SAMD9: variants seen among roughly 807,000 people sequenced by gnomAD.
SAMD9 encodes the protein sterile alpha motif domain-containing protein 9.
Under a neutral mutation model 1.5 loss-of-function variants are expected in SAMD9, and 3 were observed. The ratio of observed to expected loss-of-function variants is 2.05; its 90% CI spans 0.93 to 5.29. The LOEUF (loss-of-function observed/expected upper bound fraction) is 5.29. SAMD9 is among the 30% of genes most tolerant of loss of function. The pLI is 0.02. For synonymous variants in SAMD9, 635 were observed against 631.9 expected, an observed-to-expected ratio of 1.00 and a Z score of -0.07; for missense variants, 1,597 against 1,820.8, an observed-to-expected ratio of 0.88 and a Z score of 2.24.
chr7:93,112,397 A>G, intron 2 of SAMD9, among the ~76,000 whole-genome samples: 1 of 152,234 alleles, frequency 6.6e-6, no homozygotes, highest in Non-Finnish European at 1.5e-5. Context: ...AACTGGCACA[A>G]GACAGGGATG....
rs757064826 is a variant in SAMD9, at chr7:93,105,349, A to T, written c.749T>A (p.Ile250Asn). The T allele has an allele frequency of 5.0e-6, 8 of 1,613,864 alleles. No individual in the cohort carries two copies. In the South Asian group the frequency reaches 8.8e-5, roughly 18 times the overall value. ...TTCCTTGGTATCATTGGTGACTTTGATGCCAACAATTTTCCCATGGGGTTT... is the reference window on the plus strand; with the variant it reads ...TTCCTTGGTATCATTGGTGACTTTGTTGCCAACAATTTTCCCATGGGGTTT... ...KDKPHGKIVG[I>N]KVTNDTKEAL... Residue 250 changes from isoleucine (I) to asparagine (N), a missense_variant, in exon 3 of 3, where the codon ATC becomes AAC. Transcript: ENST00000379958.
rs147146654 is a variant in SAMD9 at position 93,105,412 on chromosome 7, G to T, written c.686C>A (p.Ser229Ter). Reference sequence around the variant, plus strand: ...AAAATGAATAGTGCCATTGGTACGTGAATTCATACAAGCTGAAGCAAATCG... The same window carrying T: ...AAAATGAATAGTGCCATTGGTACGTTAATTCATACAAGCTGAAGCAAATCG... ...VFRFASACMN[S>*]RTNGTIHFGV... Residue 229 changes from serine (S) to a stop codon, truncating the protein, a stop_gained, in exon 3 of 3, where the codon TCA becomes TAA. Coordinates refer to ENST00000379958, the MANE Select transcript of SAMD9 (RefSeq NM_017654.4). LOFTEE classifies it low-confidence loss of function (END_TRUNC). 12 of 1,613,892 alleles carry T rather than the reference G, an allele frequency of 7.4e-6. No homozygotes were observed. The highest frequency in any genetic ancestry group is 1.3e-5 in the African/African-American group (1 of 74,908).
At position 93,103,522 on chromosome 7, in the gene SAMD9, G is replaced by A. The variant is rs1395482864; in HGVS notation, c.2576C>T (p.Pro859Leu). 3 of 1,613,490 alleles carry A rather than the reference G, an allele frequency of 1.9e-6. No individual in the cohort carries two copies. Among genetic ancestry groups the A allele is most frequent in the Non-Finnish European group, 2.5e-6 (3 of 1,179,710 alleles). ...DSIAVIQQLS[P>L]KEQRAFELKL... ...AAGCTCAAAAGCTCTCTGTTCTTTG[G>A]GAGAGAGTTGCTGTATTACGGCAAT... is the stretch of plus-strand genomic sequence containing the variant. The change falls in exon 3 of 3, where the codon CCC becomes CTC. Residue 859 changes from proline (P) to leucine (L), a missense_variant. Pro to Leu is a moderately conservative substitution (Grantham distance 98). Coordinates refer to ENST00000379958, the MANE Select transcript of SAMD9 (RefSeq NM_017654.4).
Position 93,104,752 on chromosome 7 carries a change from T to C in SAMD9, c.1346A>G (p.Asn449Ser), listed in dbSNP as rs10239435. The C allele has an allele frequency of 0.01, 16,918 of 1,613,848 alleles. 1,415 individuals are homozygous for C. The African/African-American group carries it at 0.19, about 18-fold the overall frequency. ...VLEFDPESNI[N>S]GVVKAYKESR... The stretch of plus-strand genomic sequence containing the variant: ...TTCTTTGTAAGCTTTGACCACTCCA[T>C]TGATGTTAGACTCAGGATCAAACTC... Residue 449 changes from asparagine to serine, a missense_variant, in exon 3 of 3, where the codon AAT becomes AGT. Asn to Ser is a conservative substitution (Grantham distance 46, BLOSUM62 1). Transcript: ENST00000379958.
At chr7:93,114,441 A>G (rs1001904220) in intron 2 of SAMD9, among the ~76,000 whole-genome samples, 1 of 151,028 alleles carries the variant, frequency 6.6e-6, no homozygotes, top group Non-Finnish European at 1.5e-5. Flanking sequence ...TAGAACTTAA[A>G]GTATAGTTTT....
intron 2 of SAMD9, among the ~76,000 whole-genome samples, chr7:93,114,058 A>G (rs1193089728): frequency 2.0e-5 from 3 of 152,294 alleles, no homozygotes; most frequent in South Asian, 4.1e-4. Context: ...CCAAATGTCC[A>G]TCATTGATAG....
At chr7:93,111,071 G>C in intron 2 of SAMD9, among the ~76,000 whole-genome samples, 1 of 152,104 alleles carries the variant, frequency 6.6e-6, no homozygotes. Context: ...GCACTCCTCA[G>C]CAAATGTAAA....
chr7:93,106,614 C>T (rs1409511420), intron 2 of SAMD9, among the ~76,000 whole-genome samples: 1 of 152,096 alleles, frequency 6.6e-6, no homozygotes, highest in Non-Finnish European at 1.5e-5. Context: ...ATATAAGAAC[C>T]AAATAGTAAA....
intron 1 of SAMD9, among the ~76,000 whole-genome samples, chr7:93,117,403 A>G (rs1001412969): frequency 4.6e-5 from 7 of 151,774 alleles, no homozygotes; most frequent in African/African-American, 1.5e-4. Flanking sequence ...CTCAGCCTCC[A>G]AAGTAGCTAG....
chr7:93,105,596 C>T lies in SAMD9; in HGVS notation c.502G>A (p.Glu168Lys). Reference sequence around the variant, plus strand: ...TTGTAACGATATGGATTACTGAATTCATCAAATGGATATGATACACATGTC... The same window carrying T: ...TTGTAACGATATGGATTACTGAATTTATCAAATGGATATGATACACATGTC... Reference protein sequence around the residue: ...DLTCVSYPFDEFSNPYRYKLD... With the variant: ...DLTCVSYPFDKFSNPYRYKLD... The change falls in exon 3 of 3, where the codon GAA becomes AAA. Residue 168 changes from glutamate to lysine, a missense_variant. This residue lies in a region of SAMD9 where 498 missense variants were observed against 457.4 expected (regional missense o/e 1.09). Coordinates refer to ENST00000379958, the MANE Select transcript of SAMD9 (RefSeq NM_017654.4). The T allele has an allele frequency of 6.2e-7, 1 of 1,614,080 alleles. No individual in the cohort carries two copies. The highest frequency in any genetic ancestry group is 8.5e-7 in the Non-Finnish European group (1 of 1,180,004).
In SAMD9 at chr7:93,105,047, C is replaced by T. The variant is rs1007550761; in HGVS notation, c.1051G>A (p.Asp351Asn). The stretch of plus-strand genomic sequence containing the variant: ...AAATCAACTTTATTTTTCGTAATGT[C>T]CTTAGAGCTGGTCCCATCTCGCACA... ...LFVRDGTSSK[D>N]ITKNKVDFRA... is the part of the protein sequence containing the mutation. Residue 351 changes from aspartate to asparagine, a missense_variant, in exon 3 of 3, where the codon GAC (aspartate) becomes AAC (asparagine). Physicochemically the swap from Asp to Asn is conservative, Grantham distance 23. Coordinates refer to ENST00000379958, the MANE Select transcript of SAMD9 (RefSeq NM_017654.4). 30 of 1,613,850 alleles carry T rather than the reference C, an allele frequency of 1.9e-5. No homozygotes were observed. The highest frequency in any genetic ancestry group is 2.4e-5 in the Non-Finnish European group (28 of 1,179,934).
chr7:93,111,764 G>A (rs1791748682), intron 2 of SAMD9, among the ~76,000 whole-genome samples: 1 of 152,148 alleles, frequency 6.6e-6, no homozygotes, highest in African/African-American at 2.4e-5. Flanking sequence ...TCAGGAAGAA[G>A]TTGAATCCCT....
rs768168544 is a variant in SAMD9, at chr7:93,102,276, G to T, written c.3822C>A (p.Tyr1274Ter). 6.2e-7 allele frequency: 1 copy of T among 1,612,488 alleles called. No homozygotes were observed. ...LKKSFDFFDEYFVLLKPRNNI... is the reference protein window; with the variant it reads ...LKKSFDFFDE ...TGTTCCTGGGTTTTAGCAGGACAAA[G>T]TATTCATCAAAAAAATCAAAGGACT... is the stretch of plus-strand genomic sequence containing the variant. The change falls in exon 3 of 3, where the codon TAC becomes TAA. Residue 1274 changes from tyrosine to a stop codon, truncating the protein, a stop_gained. Transcript: ENST00000379958. LOFTEE classifies it low-confidence loss of function (END_TRUNC).
intron 2 of SAMD9, among the ~76,000 whole-genome samples, chr7:93,107,603 A>G (rs779234038): frequency 1.2e-4 from 19 of 152,312 alleles, no homozygotes; most frequent in African/African-American, 4.6e-4. Flanking sequence ...AGCCTGGGGA[A>G]TGGTGGCAGA....
rs995601995 is a variant in SAMD9 at position 93,117,956 on chromosome 7, C to T, written c.-203G>A. The T allele has an allele frequency of 1.3e-5, 2 of 152,170 alleles. No individual in the cohort carries two copies. The highest frequency in any genetic ancestry group is 2.9e-5 in the Non-Finnish European group (2 of 68,026). The allele number at this position is 152,170 out of a possible 1,614,324, so 9.4% of individuals were successfully genotyped here. A position where few individuals can be genotyped will look rare whatever the true frequency, so the allele number is the denominator to read the frequency against. ...TGATGTGTTTGTTTTCTTCCTCCTACGATGCTAGAGAAAAGTATTTTCCTC... is the reference window on the plus strand; with the variant it reads ...TGATGTGTTTGTTTTCTTCCTCCTATGATGCTAGAGAAAAGTATTTTCCTC... On this transcript the variant is annotated 5_prime_UTR_variant, in exon 1 of 3. Transcript: ENST00000379958.
Position 93,100,272 on chromosome 7 carries a change from C to T in SAMD9, c.*1056G>A, listed in dbSNP as rs572187222. 6.6e-6 allele frequency: 1 copy of T among 152,188 alleles called. No individual in the cohort carries two copies. Among genetic ancestry groups the T allele is most frequent in the Middle Eastern group, 3.4e-3 (1 of 294 alleles). The allele number at this position is 152,188 out of a possible 1,614,324, so 9.4% of individuals were successfully genotyped here. A position where few individuals can be genotyped will look rare whatever the true frequency, so the allele number is the denominator to read the frequency against. Reference sequence around the variant, plus strand: ...TGCAAATAAGATCCAGAGACCTGATCAAATTCAGGTTTAATTATTTGGCAA... The same window carrying T: ...TGCAAATAAGATCCAGAGACCTGATTAAATTCAGGTTTAATTATTTGGCAA... On this transcript the variant is annotated 3_prime_UTR_variant, in exon 3 of 3. Coordinates refer to ENST00000379958, the MANE Select transcript of SAMD9 (RefSeq NM_017654.4).
At chr7:93,107,939 C>T (rs2116426966) in intron 2 of SAMD9, among the ~76,000 whole-genome samples, 1 of 152,190 alleles carries the variant, frequency 6.6e-6, no homozygotes, top group African/African-American at 2.4e-5. Context: ...TTATTTCTTA[C>T]AACTACATAT....
intron 2 of SAMD9, among the ~76,000 whole-genome samples, chr7:93,110,178 C>A (rs1791716210): frequency 6.6e-6 from 1 of 152,152 alleles, no homozygotes; most frequent in South Asian, 2.1e-4. Context: ...AAAGAATTTT[C>A]AACCCAGAAT....
chr7:93,115,587 C>T lies in SAMD9; in HGVS notation c.-109-692G>A, dbSNP rs111615369. On this transcript the variant is annotated intron_variant, in intron 1 of 2. Coordinates refer to ENST00000379958, the MANE Select transcript of SAMD9 (RefSeq NM_017654.4). ...ATATTTTATATCTTGATATGGCTAG[C>T]GGTTGCACAGATAAGTACATATTAA... is the stretch of plus-strand genomic sequence containing the variant. Among the ~76,000 whole-genome samples, 517 of 152,138 alleles carry T rather than the reference C, an allele frequency of 3.4e-3. 2 individuals carry two copies. The Middle Eastern group carries it at 0.034, about 10-fold the overall frequency.
Sources: allele counts gnomAD v4.1 joint callset (sites outside exome capture counted in the v4.1 genomes callset), GRCh38; gene constraint gnomAD v4.1.1; regional missense constraint gnomAD v4.1.1; transcripts MANE v1.5; gene names NCBI Gene and HGNC (gene_info 2026-07-23, HGNC 2026-07-21).